ZBTB7C: variants seen among roughly 807,000 people sequenced by gnomAD.
ZBTB7C encodes the protein zinc finger and BTB domain-containing protein 7C.
A neutral mutation model predicts 25.7 loss-of-function variants in ZBTB7C; 8 were observed. That is an observed-to-expected ratio of 0.31 (90% confidence interval 0.18 to 0.56). ZBTB7C has a LOEUF of 0.56. ZBTB7C is among the 20% of genes least tolerant of loss of function. The pLI is 0.91. For missense variants in ZBTB7C, 824 were observed against 855.2 expected, an observed-to-expected ratio of 0.96 and a Z score of 0.46; for synonymous variants, 394 against 369.0, an observed-to-expected ratio of 1.07 and a Z score of -0.78.
chr18:48,111,619 T>C (rs925585284), intron 3 of ZBTB7C, among the ~76,000 whole-genome samples: 1 of 152,082 alleles, frequency 6.6e-6, no homozygotes, highest in Non-Finnish European at 1.5e-5. Context: ...GCATGCTCTG[T>C]TTTCACCTGG....
At chr18:48,196,100 G>A (rs2042312279) in intron 2 of ZBTB7C, among the ~76,000 whole-genome samples, 1 of 152,172 alleles carries the variant, frequency 6.6e-6, no homozygotes, top group African/African-American at 2.4e-5. Flanking sequence ...AATGGAGAAA[G>A]CTGGTAAATT....
intron 3 of ZBTB7C, among the ~76,000 whole-genome samples, chr18:48,181,585 C>T (rs1419211983): frequency 2.6e-5 from 4 of 152,198 alleles, no homozygotes; most frequent in Admixed American, 2.6e-4. Flanking sequence ...AACCCAGACC[C>T]CCTGCCTCCC....
chr18:48,208,085 G>C (rs988680416), intron 2 of ZBTB7C, among the ~76,000 whole-genome samples: 3 of 152,178 alleles, frequency 2.0e-5, no homozygotes, highest in African/African-American at 7.2e-5. Context: ...GACAAGAAGA[G>C]AATAAAGTAT....
chr18:48,192,810 T>C (rs964114498), intron 2 of ZBTB7C, among the ~76,000 whole-genome samples: 3 of 152,222 alleles, frequency 2.0e-5, no homozygotes, highest in Admixed American at 2.0e-4. Flanking sequence ...TGTCATCGAT[T>C]ATAACAAATG....
At chr18:48,195,388 A>G (rs925532333) in intron 2 of ZBTB7C, among the ~76,000 whole-genome samples, 1 of 152,132 alleles carries the variant, frequency 6.6e-6, no homozygotes, top group Non-Finnish European at 1.5e-5. Flanking sequence ...TATTCTCGTG[A>G]TAGTGAATAC....
intron 3 of ZBTB7C, among the ~76,000 whole-genome samples, chr18:48,047,612 C>T (rs926336933): frequency 1.3e-5 from 2 of 152,082 alleles, no homozygotes; most frequent in Non-Finnish European, 2.9e-5. Flanking sequence ...GTTCTAGAAC[C>T]CGGGTAAGTC....
chr18:48,372,518 C>T (rs1298576437), intron 1 of ZBTB7C, among the ~76,000 whole-genome samples: 1 of 152,186 alleles, frequency 6.6e-6, no homozygotes, highest in African/African-American at 2.4e-5. Flanking sequence ...GAGGAATCAT[C>T]AGACTTCACA....
chr18:48,243,327 A>G (rs9949848), intron 2 of ZBTB7C, among the ~76,000 whole-genome samples: 16,325 of 150,972 alleles, frequency 0.11, 2,185 homozygotes, highest in East Asian at 0.66. Flanking sequence ...GTAAAGTTTA[A>G]GAATACAAAA....
intron 3 of ZBTB7C, among the ~76,000 whole-genome samples, chr18:48,077,629 G>T (rs369986623): frequency 4.7e-4 from 71 of 152,322 alleles, no homozygotes; most frequent in African/African-American, 1.7e-3. Context: ...AAAGAGGGTA[G>T]CTGCTTCCAG....
intron 4 of ZBTB7C, among the ~76,000 whole-genome samples, chr18:48,033,788 T>C (rs1184691894): frequency 6.6e-6 from 1 of 152,204 alleles, no homozygotes; most frequent in Non-Finnish European, 1.5e-5. Context: ...CCACACAGCC[T>C]CCTTCTTTAC....
intron 3 of ZBTB7C, among the ~76,000 whole-genome samples, chr18:48,135,984 G>C (rs1340647975): frequency 6.6e-6 from 1 of 152,238 alleles, no homozygotes; most frequent in Non-Finnish European, 1.5e-5. Flanking sequence ...ACACAGCCAG[G>C]ACAACGGAAG....
chr18:48,305,388 A>T (rs930018884), intron 2 of ZBTB7C, among the ~76,000 whole-genome samples: 1 of 152,162 alleles, frequency 6.6e-6, no homozygotes, highest in Non-Finnish European at 1.5e-5. Context: ...CTGCTCAGGG[A>T]CCTGGAGTTG....
intron 3 of ZBTB7C, among the ~76,000 whole-genome samples, chr18:48,079,242 A>G (rs4939720): frequency 0.36 from 54,817 of 152,094 alleles, 14,601 homozygotes; most frequent in African/African-American, 0.76. Flanking sequence ...GGCCAGTGGC[A>G]TTTTTCAGTT....
chr18:48,296,546 T>C (rs2045396855), intron 2 of ZBTB7C, among the ~76,000 whole-genome samples: 1 of 152,202 alleles, frequency 6.6e-6, no homozygotes, highest in Non-Finnish European at 1.5e-5. Flanking sequence ...AATTAGGTAA[T>C]ACAGGCACAC....
At chr18:48,384,593 C>A (rs577294938) in intron 1 of ZBTB7C, among the ~76,000 whole-genome samples, 1 of 152,330 alleles carries the variant, frequency 6.6e-6, no homozygotes, top group African/African-American at 2.4e-5. Context: ...CAGCCCTACA[C>A]AAATTCGTAA....
intron 3 of ZBTB7C, among the ~76,000 whole-genome samples, chr18:48,060,847 G>A (rs1237851078): frequency 6.6e-6 from 1 of 152,158 alleles, no homozygotes; most frequent in African/African-American, 2.4e-5. Flanking sequence ...TGGGGATGGG[G>A]TCAGCAGACC....
At chr18:48,255,407 AGGCCATT>A (rs2043992000) in intron 2 of ZBTB7C, among the ~76,000 whole-genome samples, 1 of 152,210 alleles carries the variant, frequency 6.6e-6, no homozygotes, top group Non-Finnish European at 1.5e-5. Flanking sequence ...AATTTCTAAG[AGGCCATT>A]GGTTTGGACT....
At chr18:48,165,035 A>C in intron 3 of ZBTB7C, 2 of 1,225,930 alleles carry the variant, frequency 1.6e-6, no homozygotes, top group Non-Finnish European at 2.1e-6. Flanking sequence ...AATTCTATAC[A>C]TCCTGTTGCT....
intron 2 of ZBTB7C, among the ~76,000 whole-genome samples, chr18:48,226,881 G>C (rs753864180): frequency 1.3e-5 from 2 of 151,926 alleles, no homozygotes; most frequent in East Asian, 3.9e-4. Flanking sequence ...TTAGCCAGGC[G>C]TGATGGCACA....
Sources: allele counts gnomAD v4.1 joint callset (sites outside exome capture counted in the v4.1 genomes callset), GRCh38; gene constraint gnomAD v4.1.1; transcripts MANE v1.5; gene names NCBI Gene and HGNC (gene_info 2026-07-23, HGNC 2026-07-21).